Variants in LPIN1 observed in about 807,000 individuals in gnomAD.
The protein encoded by LPIN1 is phosphatidate phosphatase LPIN1.
In LPIN1, 71 loss-of-function variants were observed where a neutral mutation model predicts 107.5. The ratio of observed to expected loss-of-function variants is 0.66; its 90% CI spans 0.55 to 0.80. The LOEUF is 0.80. LPIN1 is among the 30% of genes least tolerant of loss of function. The pLI, the probability that LPIN1 is intolerant of heterozygous loss-of-function variation, is 0.00. For synonymous variants in LPIN1, 445 were observed against 452.6 expected (o/e 0.98, Z 0.21); for missense variants, 1,043 against 1,160.6 (o/e 0.90, Z 1.47).
intron 12 of LPIN1, among the ~76,000 whole-genome samples, chr2:11,791,422 A>G (rs780246642): frequency 3.9e-4 from 59 of 152,272 alleles, no homozygotes; most frequent in Non-Finnish European, 7.6e-4. Flanking sequence ...TTTTAAATCA[A>G]ATGTACCTAT....
chr2:11,767,527 G>C (rs975610282), intron 2 of LPIN1: 1 of 551,832 alleles, frequency 1.8e-6, no homozygotes, highest in Non-Finnish European at 3.3e-6. Context: ...TTGCACCAAC[G>C]TACTGTTTTG....
intron 1 of LPIN1, among the ~76,000 whole-genome samples, chr2:11,704,410 G>A (rs1223057013): frequency 6.6e-6 from 1 of 152,182 alleles, no homozygotes; most frequent in African/African-American, 2.4e-5. Context: ...GGCAGAGCGG[G>A]GTAGCACATC....
chr2:11,749,894 C>T (rs1276868621), intron 1 of LPIN1, among the ~76,000 whole-genome samples: 2 of 152,238 alleles, frequency 1.3e-5, no homozygotes, highest in Non-Finnish European at 2.9e-5. Flanking sequence ...AAATTTTCGG[C>T]TGATGCTGAA....
Position 11,824,726 on chromosome 2 carries a change from T to C in LPIN1, c.2716T>C (p.Phe906Leu). 6.2e-7 allele frequency: 1 copy of C among 1,614,200 alleles called. No individual in the cohort carries two copies. The highest frequency in any genetic ancestry group is 8.5e-7 in the Non-Finnish European group (1 of 1,180,050). The change falls in exon 21 of 21, where the codon TTC becomes CTC. Residue 906 changes from phenylalanine (F) to leucine (L), a missense_variant. Transcript: ENST00000674199. ...TCCCTGTTCGGATACCTTCAGTAAC[T>C]TCACCTTTTGGAGAGAGCCACTGCC... is the stretch of plus-strand genomic sequence containing the variant. ...DFPCSDTFSN[F>L]TFWREPLPPF...
intron 17 of LPIN1, among the ~76,000 whole-genome samples, chr2:11,807,341 A>C (rs1202441049): frequency 6.6e-6 from 1 of 152,178 alleles, no homozygotes; most frequent in Non-Finnish European, 1.5e-5. Context: ...TAATCTACTC[A>C]TGAGGTGCCT....
At chr2:11,819,124 C>T (rs1395333126) in intron 18 of LPIN1, 1 of 253,820 alleles carries the variant, frequency 3.9e-6, no homozygotes, top group Non-Finnish European at 7.7e-6. Flanking sequence ...GAGATTGGTC[C>T]ACACTTTGCC....
At position 11,788,565 on chromosome 2, in the gene LPIN1, T is replaced by G. The variant is rs1369674332; in HGVS notation, c.1713+109T>G. The G allele has an allele frequency of 4.7e-6, 4 of 859,340 alleles. No individual in the cohort carries two copies. In the African/African-American group the frequency reaches 6.7e-5, roughly 14 times the overall value. The allele number at this position is 859,340 out of a possible 1,614,324, so 53.2% of individuals were successfully genotyped here. ...TTGGAAACTACAGAGTTAATTCCAC[T>G]GTGCTCTTTTGAAGTTCATGAGCAT... On this transcript the variant is annotated intron_variant, in intron 12 of 20. Transcript: ENST00000674199.
At chr2:11,807,899 T>G (rs1404680056) in intron 17 of LPIN1, among the ~76,000 whole-genome samples, 1 of 152,162 alleles carries the variant, frequency 6.6e-6, no homozygotes, top group Non-Finnish European at 1.5e-5. Flanking sequence ...CCTGGCACTT[T>G]CAGGTCCCAG....
At chr2:11,690,620 C>T (rs1207805406) in intron 1 of LPIN1, among the ~76,000 whole-genome samples, 2 of 152,180 alleles carry the variant, frequency 1.3e-5, no homozygotes, top group East Asian at 3.8e-4. Flanking sequence ...CTCCATGCCT[C>T]CTAGCTGCTG....
rs192688285 is a variant in LPIN1, at chr2:11,765,679, C to T, written c.138C>T (p.Ser46=). 2.5e-6 allele frequency: 4 copies of T among 1,613,876 alleles called. No individual in the cohort carries two copies. In the Admixed American group the frequency reaches 5.0e-5, roughly 20 times the overall value. ...IRQPNGNLQC[S]PFHVRFGKMG... is the part of the protein sequence containing the mutation. Reference sequence around the variant, plus strand: ...AGCCCAATGGAAACCTCCAATGCTCCCCTTTCCACGTCCGCTTTGGGAAGA... The same window carrying T: ...AGCCCAATGGAAACCTCCAATGCTCTCCTTTCCACGTCCGCTTTGGGAAGA... Residue 46 remains serine (S), a synonymous_variant, in exon 2 of 21, where the codon TCC becomes TCT. Coordinates refer to ENST00000674199, the MANE Select transcript of LPIN1 (RefSeq NM_001349206.2). This position sits in a 1 kb window ranked among gnomAD's most constrained non-coding sequence, Gnocchi z 4.4.
chr2:11,775,894 TTA>T, intron 5 of LPIN1, among the ~76,000 whole-genome samples, 190 bp from the exon 6 acceptor site: 1 of 147,840 alleles, frequency 6.8e-6, no homozygotes, highest in Middle Eastern at 3.6e-3. Flanking sequence ...TATATAATCT[TTA>T]TATAAAGTAT....
rs991367769 is a variant in LPIN1 at position 11,804,613 on chromosome 2, T to C, written c.2162+42T>C. 4.4e-6 allele frequency: 7 copies of C among 1,599,154 alleles called. No individual in the cohort carries two copies. In the Admixed American group the frequency reaches 1.0e-4, roughly 23 times the overall value. ...TGGGGCCCATGGTAGATTTCTTTGC[T>C]TCACCGTGGGGGTCTCTGGGCCTGG... On this transcript the variant is annotated intron_variant, in intron 16 of 20. Transcript: ENST00000674199.
intron 1 of LPIN1, among the ~76,000 whole-genome samples, chr2:11,686,993 C>CTTTTTT (rs141927239): frequency 2.2e-4 from 19 of 85,140 alleles, no homozygotes; most frequent in Middle Eastern, 9.1e-3. Context: ...GCTTTTGATC[C>CTTTTTT]TTTTTTTTTT....
chr2:11,691,083 G>GTTTTTTTTTTTTTTTTTT (rs373579741), intron 1 of LPIN1, among the ~76,000 whole-genome samples: 1 of 120,268 alleles, frequency 8.3e-6, no homozygotes, highest in African/African-American at 4.5e-5. Context: ...ATCTTGTTGT[G>GTTTTTTTTTTTTTTTTTT]GTTTTTTTTT....
intron 1 of LPIN1, among the ~76,000 whole-genome samples, chr2:11,725,259 T>TCAAAAA (rs59510408): frequency 0.12 from 17,508 of 151,090 alleles, 1,924 homozygotes; most frequent in African/African-American, 0.3. Flanking sequence ...AGACTCCGTC[T>TCAAAAA]CAAAAACAAA....
intron 1 of LPIN1, among the ~76,000 whole-genome samples, chr2:11,757,797 A>G (rs556412799): frequency 4.2e-5 from 6 of 141,652 alleles, no homozygotes; most frequent in Middle Eastern, 3.6e-3. Context: ...TCTCTCCCCA[A>G]TTCTTAAAAA....
intron 7 of LPIN1, 121 bp from the exon 8 acceptor site, chr2:11,782,080 T>C (rs974313352): frequency 3.8e-6 from 3 of 779,234 alleles, no homozygotes; most frequent in South Asian, 1.5e-5. Context: ...CAGGTGATTG[T>C]TGAGGCTTAA....
rs1166270018 is a variant in LPIN1, at chr2:11,825,905, TTC to T, written c.*1120_*1121del. ...GTGTTAGACTATCGAAAGGGCCTTA[TTC>T]TCTCTTTCTCATAGACTGACCTTCT... On this transcript the variant is annotated 3_prime_UTR_variant, in exon 21 of 21. Coordinates refer to ENST00000674199, the MANE Select transcript of LPIN1 (RefSeq NM_001349206.2). This position sits in a 1 kb window ranked among gnomAD's most constrained non-coding sequence, Gnocchi z 4.1. 6.6e-6 allele frequency: 1 copy of T among 152,240 alleles called. No individual in the cohort carries two copies. Among genetic ancestry groups the T allele is most frequent in the Non-Finnish European group, 1.5e-5 (1 of 68,042 alleles). The allele number at this position is 152,240 out of a possible 1,614,324, so 9.4% of individuals were successfully genotyped here.
exon 1 of LPIN1, chr2:11,724,528 C>T: frequency 1.0e-6 from 1 of 985,688 alleles, no homozygotes; most frequent in Non-Finnish European, 1.2e-6. Flanking sequence ...GAGAATCCAC[C>T]AGGAGACCCA....
Sources: gnomAD v4.1 joint callset for allele counts (sites outside exome capture counted in the v4.1 genomes callset) on GRCh38, gnomAD v4.1.1 for gene constraint, Gnocchi (gnomAD v3.1) non-coding constraint, MANE v1.5 for transcripts, NCBI Gene and HGNC (gene_info 2026-07-23, HGNC 2026-07-21) for gene names.